The following KIF26B variants were observed in gnomAD, a reference collection of about 807,000 sequenced individuals.
The protein encoded by KIF26B is kinesin family member 26B, also known as kinesin-like protein KIF26B.
A neutral mutation model predicts 151.2 loss-of-function variants in KIF26B; 63 were observed. The ratio of observed to expected loss-of-function variants is 0.42; its 90% CI spans 0.34 to 0.51. The LOEUF is 0.51. KIF26B is among the 20% of genes least tolerant of loss of function. The pLI, the probability that KIF26B is intolerant of heterozygous loss-of-function variation, is 0.07. For missense variants in KIF26B, 2,813 were observed against 2,913.6 expected, an observed-to-expected ratio of 0.97 and a Z score of 0.79; for synonymous variants, 1,357 against 1,262.1, an observed-to-expected ratio of 1.08 and a Z score of -1.59.
chr1:245,300,098 G>T (rs912080652), intron 2 of KIF26B, among the ~76,000 whole-genome samples: 4 of 152,190 alleles, frequency 2.6e-5, no homozygotes, highest in Admixed American at 2.6e-4. Flanking sequence ...CTGAAATCCT[G>T]GTATGGATAA....
At chr1:245,641,843 A>G (rs1046179469) in intron 9 of KIF26B, among the ~76,000 whole-genome samples, 8 of 152,210 alleles carry the variant, frequency 5.3e-5, no homozygotes, top group Admixed American at 3.3e-4. Context: ...TCCCTTTGAC[A>G]TCATATTTCC....
chr1:245,497,114 T>C (rs147706129), intron 4 of KIF26B, among the ~76,000 whole-genome samples: 5,313 of 150,306 alleles, frequency 0.035, 145 homozygotes, highest in Non-Finnish European at 0.05. Context: ...GATTGCACCA[T>C]TGCACTCCAG....
chr1:245,580,908 T>C (rs2043169385), intron 5 of KIF26B, among the ~76,000 whole-genome samples: 1 of 152,226 alleles, frequency 6.6e-6, no homozygotes, highest in Admixed American at 6.5e-5. Flanking sequence ...TAAAGGTGAT[T>C]TCCAGTCATC....
At chr1:245,280,634 AG>A (rs1215700639) in intron 2 of KIF26B, among the ~76,000 whole-genome samples, 49 of 88,712 alleles carry the variant, frequency 5.5e-4, no homozygotes, top group Non-Finnish European at 8.3e-4. Context: ...TTTAAGTTTT[AG>A]GGTACATGTG....
intron 3 of KIF26B, among the ~76,000 whole-genome samples, chr1:245,368,305 T>G (rs534185820): frequency 6.6e-6 from 1 of 152,244 alleles, no homozygotes; most frequent in African/African-American, 2.4e-5. Context: ...TTTAAAGATG[T>G]TCTAATTTTG....
chr1:245,389,388 C>CCT (rs1162904127), intron 3 of KIF26B, among the ~76,000 whole-genome samples: 1 of 151,490 alleles, frequency 6.6e-6, no homozygotes, highest in Non-Finnish European at 1.5e-5. Context: ...GCTAGGATTA[C>CCT]AGGCGTGAGC....
rs551432333 is a variant in KIF26B, at chr1:245,660,725, GCT to G, written c.2258+14450_2258+14451del. ...TTCTTGTTCTGTAAGCACCTACGTT[GCT>G]CTCTAAGTACTGCTTTGTCTGTATC... On this transcript the variant is annotated intron_variant, in intron 10 of 14. Transcript: ENST00000407071. Among the ~76,000 whole-genome samples the G allele has an allele frequency of 1.3e-3, 201 of 152,266 alleles. 1 individual carries two copies. Among genetic ancestry groups the G allele is most frequent in the African/African-American group, 4.5e-3 (188 of 41,532 alleles).
rs934339030 is a variant in KIF26B at position 245,241,693 on chromosome 1, C to G, written c.465+85010C>G. ...GGAACAGCTGCTATGGCGGCGGACA[C>G]AGCCCCGTCCAGGGCCCATGGCAGC... On this transcript the variant is annotated intron_variant, in intron 2 of 14. Transcript: ENST00000407071. This position sits in a 1 kb window ranked among gnomAD's most constrained non-coding sequence, Gnocchi z 5.0. Among the ~76,000 whole-genome samples the G allele has an allele frequency of 2.6e-5, 4 of 152,228 alleles. No homozygotes were observed. The highest frequency in any genetic ancestry group is 2.1e-4 in the South Asian group (1 of 4,822).
In KIF26B at chr1:245,705,592, GA is replaced by G. The variant is rs1305112468; in HGVS notation, c.*2993del. The G allele has an allele frequency of 6.6e-6, 1 of 152,132 alleles. No homozygotes were observed. Among genetic ancestry groups the G allele is most frequent in the Non-Finnish European group, 1.5e-5 (1 of 68,026 alleles). 9.4% of individuals were successfully genotyped at this position (152,132 alleles called of 1,614,324 possible). A position where few individuals can be genotyped will look rare whatever the true frequency, so the allele number is the denominator to read the frequency against. On this transcript the variant is annotated 3_prime_UTR_variant, in exon 15 of 15. Coordinates refer to ENST00000407071, the MANE Select transcript of KIF26B (RefSeq NM_018012.4). ...TCATTACCCACAAGCGAAAGGACTA[GA>G]AAAAAATATTTGAAATTAACATTTA... is the stretch of plus-strand genomic sequence containing the variant.
At chr1:245,232,237 A>G (rs1283178428) in intron 2 of KIF26B, among the ~76,000 whole-genome samples, 1 of 152,230 alleles carries the variant, frequency 6.6e-6, no homozygotes, top group African/African-American at 2.4e-5. Context: ...AAATTTGTAA[A>G]GCAAGAGAAG....
In KIF26B at chr1:245,369,052, C is replaced by T. The variant is rs192142356; in HGVS notation, c.999+1685C>T. Among the ~76,000 whole-genome samples, 360 of 152,216 alleles carry T rather than the reference C, an allele frequency of 2.4e-3. 2 individuals are homozygous for T. Among genetic ancestry groups the T allele is most frequent in the African/African-American group, 8.0e-3 (334 of 41,528 alleles). On this transcript the variant is annotated intron_variant, in intron 3 of 14. Coordinates refer to ENST00000407071, the MANE Select transcript of KIF26B (RefSeq NM_018012.4). Reference sequence around the variant, plus strand: ...ACTTGGGAGGCTGAAACGGGAAGATCGCCTGAGCCCAGGAGGCGGAGGCTG... The same window carrying T: ...ACTTGGGAGGCTGAAACGGGAAGATTGCCTGAGCCCAGGAGGCGGAGGCTG...
At chr1:245,674,955 C>T (rs554551091) in intron 10 of KIF26B, among the ~76,000 whole-genome samples, 5 of 152,290 alleles carry the variant, frequency 3.3e-5, no homozygotes, top group African/African-American at 9.6e-5. Context: ...ACCACTGTCA[C>T]GTGTGACAAC....
intron 2 of KIF26B, among the ~76,000 whole-genome samples, chr1:245,270,567 C>T (rs1435560330): frequency 6.6e-6 from 1 of 151,942 alleles, no homozygotes; most frequent in Non-Finnish European, 1.5e-5. Flanking sequence ...GTATGTTTTC[C>T]TTACAGAAAG....
intron 5 of KIF26B, among the ~76,000 whole-genome samples, chr1:245,575,158 C>A (rs2103125394): frequency 6.6e-6 from 1 of 151,560 alleles, no homozygotes; most frequent in East Asian, 2.0e-4. Context: ...AGCCACCGCG[C>A]CTGGCCTTTT....
intron 9 of KIF26B, among the ~76,000 whole-genome samples, chr1:245,627,268 A>G (rs1195456911): frequency 1.3e-5 from 2 of 152,172 alleles, no homozygotes; most frequent in Non-Finnish European, 2.9e-5. Context: ...ATATTTCGAC[A>G]GAGACTGCAT....
At chr1:245,514,479 A>T (rs111571619) in intron 4 of KIF26B, among the ~76,000 whole-genome samples, 24,400 of 152,126 alleles carry the variant, frequency 0.16, 2,444 homozygotes, top group Middle Eastern at 0.32. Flanking sequence ...CAGTGAGCCA[A>T]GATCCTCCAC....
At chr1:245,276,690 C>T (rs987093320) in intron 2 of KIF26B, among the ~76,000 whole-genome samples, 2 of 152,264 alleles carry the variant, frequency 1.3e-5, no homozygotes, top group East Asian at 2.0e-4. Context: ...TGAATGGATG[C>T]CATGAATTTC....
At chr1:245,344,965 G>A (rs72761147) in intron 2 of KIF26B, among the ~76,000 whole-genome samples, 9,841 of 152,010 alleles carry the variant, frequency 0.065, 536 homozygotes, top group African/African-American at 0.15. Context: ...ATGCCTCCGC[G>A]TACACACTGT....
chr1:245,441,210 T>TA (rs1439340981), intron 4 of KIF26B, among the ~76,000 whole-genome samples: 2 of 152,244 alleles, frequency 1.3e-5, no homozygotes, highest in African/African-American at 4.8e-5. Context: ...ATGTAGGTGT[T>TA]ATACACCCCT....
Sources: allele counts gnomAD v4.1 joint callset (sites outside exome capture counted in the v4.1 genomes callset), GRCh38; gene constraint gnomAD v4.1.1; non-coding constraint Gnocchi (gnomAD v3.1); transcripts MANE v1.5; gene names NCBI Gene and HGNC (gene_info 2026-07-23, HGNC 2026-07-21).